Variants in ITGB5 observed in about 807,000 individuals in gnomAD.
ITGB5 encodes integrin beta-5.
Under a neutral mutation model 84.8 loss-of-function variants are expected in ITGB5, and 38 were observed. That is an observed-to-expected ratio of 0.45 (90% CI 0.35 to 0.59). The LOEUF (loss-of-function observed/expected upper bound fraction) is 0.59. ITGB5 is among the 20% of genes least tolerant of loss of function. The probability of loss-of-function intolerance (pLI) is 0.01; values close to 1 mark genes in which losing one functional copy is unlikely to be tolerated. For synonymous variants in ITGB5, 393 were observed against 414.4 expected (o/e 0.95, Z 0.63); for missense variants, 905 against 1,034.5 (o/e 0.87, Z 1.72).
intron 4 of ITGB5, among the ~76,000 whole-genome samples, chr3:124,843,578 C>G (rs977839948): frequency 6.6e-6 from 1 of 152,156 alleles, no homozygotes; most frequent in Non-Finnish European, 1.5e-5. Flanking sequence ...AGAGAGAAGC[C>G]TTCATTGTAG....
At chr3:124,810,908 TTTTC>T (rs10644920) in intron 8 of ITGB5, among the ~76,000 whole-genome samples, 2,389 of 150,048 alleles carry the variant, frequency 0.016, 39 homozygotes, top group South Asian at 0.048. Context: ...CTCTTGTGGG[TTTTC>T]TTTCTTTCTT....
chr3:124,771,425 A>G (rs2063842109), intron 11 of ITGB5, among the ~76,000 whole-genome samples: 1 of 152,186 alleles, frequency 6.6e-6, no homozygotes, highest in Admixed American at 6.5e-5. Flanking sequence ...TGAAAGAGAC[A>G]GAGGGTCAGT....
intron 2 of ITGB5, among the ~76,000 whole-genome samples, chr3:124,870,613 G>A (rs1397570175): frequency 6.6e-6 from 1 of 152,002 alleles, no homozygotes; most frequent in African/African-American, 2.4e-5. Flanking sequence ...TGTAATCCCA[G>A]CTACTCAGGA....
At chr3:124,873,630 G>T in intron 1 of ITGB5, 99 bp from the exon 2 acceptor site, 1 of 896,628 alleles carries the variant, frequency 1.1e-6, no homozygotes, top group Non-Finnish European at 1.9e-6. Context: ...TTAACAGGAG[G>T]CCTCTCTGAG....
At chr3:124,788,599 A>G (rs2064115414) in intron 10 of ITGB5, among the ~76,000 whole-genome samples, 1 of 151,948 alleles carries the variant, frequency 6.6e-6, no homozygotes, top group East Asian at 1.9e-4. Context: ...ATGGAACCGG[A>G]CTCTCCTGGC....
At chr3:124,797,758 C>T (rs1309893918) in intron 9 of ITGB5, among the ~76,000 whole-genome samples, 3 of 152,088 alleles carry the variant, frequency 2.0e-5, no homozygotes, top group African/African-American at 4.8e-5. Context: ...CATGTGGGGT[C>T]TGAATCACCC....
intron 2 of ITGB5, among the ~76,000 whole-genome samples, chr3:124,868,879 G>C (rs1017990442): frequency 2.0e-5 from 3 of 152,084 alleles, no homozygotes; most frequent in Admixed American, 6.6e-5. Flanking sequence ...ATGTGACACA[G>C]AGCCAACTAA....
At chr3:124,799,859 C>A (rs574293783) in intron 9 of ITGB5, among the ~76,000 whole-genome samples, 1 of 152,288 alleles carries the variant, frequency 6.6e-6, no homozygotes, top group South Asian at 2.1e-4. Context: ...GCCAGCCTGG[C>A]TTACTAAAGG....
At chr3:124,849,171 G>A (rs1244976142) in intron 3 of ITGB5, among the ~76,000 whole-genome samples, 1 of 152,160 alleles carries the variant, frequency 6.6e-6, no homozygotes, top group Admixed American at 6.5e-5. Context: ...AGTAATCAGT[G>A]GACAGTGAAC....
At chr3:124,811,559 C>T (rs1199930169) in intron 8 of ITGB5, among the ~76,000 whole-genome samples, 1 of 152,046 alleles carries the variant, frequency 6.6e-6, no homozygotes, top group African/African-American at 2.4e-5. Context: ...CAAGATCTGC[C>T]CAAGCCGCCA....
At chr3:124,837,580 G>C (rs1490069219) in intron 5 of ITGB5, among the ~76,000 whole-genome samples, 4 of 152,216 alleles carry the variant, frequency 2.6e-5, no homozygotes, top group South Asian at 4.1e-4. Flanking sequence ...ATAGAAACAG[G>C]GTCCTTATCA....
At chr3:124,834,140 GGTGGCTACCT>G (rs1382760790) in intron 5 of ITGB5, among the ~76,000 whole-genome samples, 3 of 152,080 alleles carry the variant, frequency 2.0e-5, no homozygotes, top group Non-Finnish European at 4.4e-5. Context: ...GATATTTAAT[GGTGGCTACCT>G]GTTGTCGTAC....
chr3:124,846,881 G>A, intron 4 of ITGB5, among the ~76,000 whole-genome samples: 1 of 152,138 alleles, frequency 6.6e-6, no homozygotes, highest in East Asian at 1.9e-4. Context: ...GTTGCAGGGA[G>A]CCGAGATTGC....
chr3:124,850,725 AT>A (rs2065140872), intron 3 of ITGB5, among the ~76,000 whole-genome samples: 1 of 151,454 alleles, frequency 6.6e-6, no homozygotes, highest in African/African-American at 2.4e-5. Flanking sequence ...AAAAAAAACC[AT>A]CAGAGTCTGA....
intron 1 of ITGB5, among the ~76,000 whole-genome samples, chr3:124,881,386 A>G (rs937653587): frequency 1.3e-5 from 2 of 152,146 alleles, no homozygotes; most frequent in Admixed American, 6.5e-5. Flanking sequence ...ACACAGGTAA[A>G]TAAGACCAGG....
intron 2 of ITGB5, among the ~76,000 whole-genome samples, chr3:124,867,182 G>A (rs2065404236): frequency 6.6e-6 from 1 of 151,844 alleles, no homozygotes; most frequent in Admixed American, 6.6e-5. Flanking sequence ...TCCCATGCCC[G>A]ACCCCATTTC....
upstream of ITGB5, chr3:124,887,867 AGGGCGTGGTG>A (rs1289316938): frequency 1.1e-5 from 3 of 263,610 alleles, no homozygotes; most frequent in Admixed American, 8.7e-5. Context: ...TGAGCAAGGG[AGGGCGTGGTG>A]GGGCGTGGAG....
At chr3:124,842,887 C>T (rs1236699528) in intron 4 of ITGB5, among the ~76,000 whole-genome samples, 2 of 152,136 alleles carry the variant, frequency 1.3e-5, no homozygotes, top group Non-Finnish European at 2.9e-5. Flanking sequence ...CTCAGGGCTA[C>T]AGTCCCTTCT....
At chr3:124,844,390 T>C (rs1325547792) in intron 4 of ITGB5, among the ~76,000 whole-genome samples, 1 of 151,910 alleles carries the variant, frequency 6.6e-6, no homozygotes, top group Non-Finnish European at 1.5e-5. Context: ...TGAAACGCCA[T>C]CTCTACTAAA....
Sources: gnomAD v4.1 joint callset for allele counts (sites outside exome capture counted in the v4.1 genomes callset) on GRCh38, gnomAD v4.1.1 for gene constraint, MANE v1.5 for transcripts, NCBI Gene and HGNC (gene_info 2026-07-23, HGNC 2026-07-21) for gene names.